The following NDUFAF1 variants were observed in gnomAD, a reference collection of about 807,000 sequenced individuals.
NDUFAF1 encodes NADH:ubiquinone oxidoreductase complex assembly factor 1.
In NDUFAF1, 18 loss-of-function variants were observed where a neutral mutation model predicts 28.7. The observed-to-expected ratio is 0.63, with a 90% CI of 0.43 to 0.93. The LOEUF is 0.93. Ranked by LOEUF, NDUFAF1 falls within the 40% of genes least tolerant of loss-of-function variation. The probability of loss-of-function intolerance (pLI) is 0.00; values close to 1 mark genes in which losing one functional copy is unlikely to be tolerated. For missense variants in NDUFAF1, 404 were observed against 398.3 expected (o/e 1.01, Z -0.12); for synonymous variants, 113 against 139.7 (o/e 0.81, Z 1.35).
At chr15:41,390,008 G>A (rs1037606485) in intron 3 of NDUFAF1, among the ~76,000 whole-genome samples, 4 of 151,898 alleles carry the variant, frequency 2.6e-5, no homozygotes, top group Non-Finnish European at 4.4e-5. Context: ...CACCCAGGCT[G>A]AAGTGCATGC....
chr15:41,387,833 C>A (rs1471719402), intron 4 of NDUFAF1, among the ~76,000 whole-genome samples: 1 of 152,100 alleles, frequency 6.6e-6, no homozygotes, highest in Non-Finnish European at 1.5e-5. Flanking sequence ...CTAGGAAGGA[C>A]GGCCGGGCGT....
chr15:41,398,050 A>G (rs1044426382), intron 1 of NDUFAF1, among the ~76,000 whole-genome samples: 1 of 150,608 alleles, frequency 6.6e-6, no homozygotes, highest in Non-Finnish European at 1.5e-5. Flanking sequence ...AAAAACAGAA[A>G]GAAAGAAAAA....
chr15:41,390,888 T>C (rs985686188), intron 3 of NDUFAF1, among the ~76,000 whole-genome samples: 14 of 150,508 alleles, frequency 9.3e-5, no homozygotes, highest in Non-Finnish European at 1.5e-4. Flanking sequence ...AAAAATTAGC[T>C]GGGCGTGGTG....
chr15:41,395,621 T>C (rs1437182371), intron 2 of NDUFAF1, among the ~76,000 whole-genome samples: 25 of 151,212 alleles, frequency 1.7e-4, no homozygotes, highest in Admixed American at 2.6e-4. Flanking sequence ...CCGCCCACCT[T>C]GGCCACCCAA....
intron 1 of NDUFAF1, among the ~76,000 whole-genome samples, chr15:41,399,448 T>G (rs1211158415): frequency 6.7e-6 from 1 of 149,864 alleles, no homozygotes; most frequent in Admixed American, 6.7e-5. Context: ...TCCCAGCTAC[T>G]CGGGAGGCTG....
intron 2 of NDUFAF1, 116 bp from the exon 3 acceptor site, chr15:41,395,160 C>T: frequency 2.2e-6 from 2 of 916,188 alleles, no homozygotes; most frequent in East Asian, 2.6e-5. Flanking sequence ...TGACTTTCTG[C>T]CCCATAAGAA....
intron 3 of NDUFAF1, among the ~76,000 whole-genome samples, chr15:41,390,624 C>G (rs1428960131): frequency 6.6e-6 from 1 of 151,680 alleles, no homozygotes; most frequent in Non-Finnish European, 1.5e-5. Context: ...ACTCAGGAGG[C>G]TGAGGCAGGA....
intron 3 of NDUFAF1, among the ~76,000 whole-genome samples, chr15:41,393,749 T>C (rs895466076): frequency 6.6e-6 from 1 of 151,714 alleles, no homozygotes; most frequent in African/African-American, 2.4e-5. Context: ...ATTTTTTTAT[T>C]TTTAGTAGAG....
chr15:41,396,893 T>G lies in NDUFAF1; in HGVS notation c.167A>C (p.Glu56Ala), dbSNP rs2050396555. The G allele has an allele frequency of 6.2e-7, 1 of 1,614,194 alleles. No homozygotes were observed. The stretch of plus-strand genomic sequence containing the variant: ...CTGGTGATCTCCTTGCAAATCCCCT[T>G]CAGTCTTCCTCTGTGAGGAGGCTTT... ...PGKASSQRKTEGDLQGDHQKE... is the reference protein window; with the variant it reads ...PGKASSQRKTAGDLQGDHQKE... Residue 56 changes from glutamate to alanine, a missense_variant, in exon 2 of 5, where the codon GAA becomes GCA. Transcript: ENST00000260361.
At chr15:41,398,409 A>AG (rs1294675071) in intron 1 of NDUFAF1, among the ~76,000 whole-genome samples, 1 of 149,514 alleles carries the variant, frequency 6.7e-6, no homozygotes, top group Non-Finnish European at 1.5e-5. Context: ...ACTTGAACCC[A>AG]GGAGGCAGGG....
intron 3 of NDUFAF1, among the ~76,000 whole-genome samples, chr15:41,393,589 C>CTTT (rs551792777): frequency 2.2e-5 from 3 of 135,530 alleles, no homozygotes; most frequent in African/African-American, 8.7e-5. Flanking sequence ...CGCGGCCGGC[C>CTTT]TTTTTTTTTT....
At chr15:41,402,866 G>A (rs1472037562), upstream of NDUFAF1, among the ~76,000 whole-genome samples, 1 of 151,524 alleles carries the variant, frequency 6.6e-6, no homozygotes, top group African/African-American at 2.4e-5. Context: ...CGAGTAGCTG[G>A]GATTACAGGT....
intron 1 of NDUFAF1, among the ~76,000 whole-genome samples, chr15:41,401,031 C>T (rs2050455702): frequency 6.6e-6 from 1 of 151,574 alleles, no homozygotes; most frequent in African/African-American, 2.4e-5. Context: ...TCTCCGCTCA[C>T]TGCAATCTCC....
At chr15:41,395,074 C>A in intron 2 of NDUFAF1, 30 bp from the exon 3 acceptor site, 3 of 1,599,904 alleles carry the variant, frequency 1.9e-6, no homozygotes, top group East Asian at 2.2e-5. Context: ...GTTCATTGTA[C>A]CTCATTCTCC....
intron 1 of NDUFAF1, among the ~76,000 whole-genome samples, chr15:41,399,855 CAAAA>C (rs35139337): frequency 1.4e-4 from 6 of 42,054 alleles, no homozygotes; most frequent in African/African-American, 3.0e-4. Flanking sequence ...GACTCCTTCT[CAAAA>C]AAAAAAAAAA....
chr15:41,387,967 A>G (rs1230623326), intron 4 of NDUFAF1, among the ~76,000 whole-genome samples: 3 of 152,074 alleles, frequency 2.0e-5, no homozygotes, highest in Admixed American at 6.6e-5. Context: ...AAGATTAGCC[A>G]AGTGTGGTGG....
chr15:41,397,902 G>A (rs777749097), intron 1 of NDUFAF1, among the ~76,000 whole-genome samples: 1 of 151,294 alleles, frequency 6.6e-6, no homozygotes, highest in Non-Finnish European at 1.5e-5. Context: ...GTGCGCACTT[G>A]TGGTCCCAGC....
At position 41,394,951 on chromosome 15, in the gene NDUFAF1, T is replaced by G; in HGVS notation, c.667A>C (p.Ile223Leu). Reference protein sequence around the residue: ...RGDGRPWMVNIKEDTDFFQRT... With the variant: ...RGDGRPWMVNLKEDTDFFQRT... ...TGGAAGAAATCTGTGTCCTCCTTGA[T>G]ATTCACCATCCAAGGCCGACCATCC... Residue 223 changes from isoleucine to leucine, a missense_variant, in exon 3 of 5, where the codon ATC becomes CTC. Ile to Leu is a conservative substitution (Grantham distance 5, BLOSUM62 2). Transcript: ENST00000260361. 1 of 1,614,158 alleles carries G rather than the reference T, an allele frequency of 6.2e-7. No homozygotes were observed. The highest frequency in any genetic ancestry group is 8.5e-7 in the Non-Finnish European group (1 of 1,180,012).
intron 1 of NDUFAF1, among the ~76,000 whole-genome samples, chr15:41,399,139 G>A (rs2050429122): frequency 6.6e-6 from 1 of 152,062 alleles, no homozygotes. Context: ...GGTGGCTCAT[G>A]CCTGTAATCC....
Sources: gnomAD v4.1 joint callset for allele counts (sites outside exome capture counted in the v4.1 genomes callset) on GRCh38, gnomAD v4.1.1 for gene constraint, MANE v1.5 for transcripts, NCBI Gene and HGNC (gene_info 2026-07-23, HGNC 2026-07-21) for gene names.